FAM78B: variants seen among roughly 807,000 people sequenced by gnomAD.
The protein encoded by FAM78B is family with sequence similarity 78 member B, also known as protein FAM78B.
In FAM78B, 10 loss-of-function variants were observed where a neutral mutation model predicts 20.0. The observed-to-expected ratio is 0.50, with a 90% CI of 0.31 to 0.85. The LOEUF (loss-of-function observed/expected upper bound fraction) is 0.85. Among genes scored for constraint, FAM78B ranks in the 40% least tolerant of loss-of-function variants. The pLI, the probability that FAM78B is intolerant of heterozygous loss-of-function variation, is 0.05. For synonymous variants in FAM78B, 135 were observed against 132.8 expected (o/e 1.02, Z -0.12); for missense variants, 283 against 345.0 (o/e 0.82, Z 1.42).
chr1:166,067,102 A>C (rs1330637667), downstream of FAM78B, among the ~76,000 whole-genome samples: 1 of 152,090 alleles, frequency 6.6e-6, no homozygotes, highest in Non-Finnish European at 1.5e-5. Flanking sequence ...TTTTAGACTC[A>C]TTGGTTTGTG....
intron 1 of FAM78B, among the ~76,000 whole-genome samples, chr1:166,077,744 C>A (rs1167817651): frequency 2.3e-5 from 3 of 129,566 alleles, no homozygotes; most frequent in Non-Finnish European, 4.8e-5. Context: ...ATAATAAATA[C>A]ATATAATTAC....
At position 166,112,330 on chromosome 1, in the gene FAM78B, C is replaced by T. The variant is rs1039056663; in HGVS notation, c.264-41567G>A. Among the ~76,000 whole-genome samples the T allele has an allele frequency of 6.6e-5, 10 of 152,128 alleles. No individual in the cohort carries two copies. In the South Asian group the frequency reaches 8.3e-4, roughly 13 times the overall value. On this transcript the variant is annotated intron_variant, in intron 1 of 1. Coordinates refer to ENST00000354422, the MANE Select transcript of FAM78B (RefSeq NM_001017961.5). ...AAAGCAGAATTCTATGAAGCCCAGCCGTTTTCATTTCTTGTGATCTTCACC... is the reference window on the plus strand; with the variant it reads ...AAAGCAGAATTCTATGAAGCCCAGCTGTTTTCATTTCTTGTGATCTTCACC...
intron 1 of FAM78B, among the ~76,000 whole-genome samples, chr1:166,075,204 A>T (rs1652217993): frequency 6.6e-6 from 1 of 152,162 alleles, no homozygotes; most frequent in African/African-American, 2.4e-5. Context: ...TTAGAGGGTT[A>T]AAGGGAGGGA....
At chr1:166,102,534 CAAAA>C (rs1199687844) in intron 1 of FAM78B, among the ~76,000 whole-genome samples, 8 of 151,454 alleles carry the variant, frequency 5.3e-5, no homozygotes, top group Non-Finnish European at 8.8e-5. Context: ...AAATGGAAAA[CAAAA>C]AAAGGCAGGG....
In FAM78B at chr1:166,095,849, G is replaced by A. The variant is rs533936453; in HGVS notation, c.264-25086C>T. Among the ~76,000 whole-genome samples the A allele has an allele frequency of 2.6e-5, 4 of 152,310 alleles. No individual in the cohort carries two copies. In the East Asian group the frequency reaches 5.8e-4, roughly 22 times the overall value. Reference sequence around the variant, plus strand: ...CGAGTAGGGGGGCAACACTCCAGTGGCACAGAGGAGTAAGGTGCTGGCTCC... The same window carrying A: ...CGAGTAGGGGGGCAACACTCCAGTGACACAGAGGAGTAAGGTGCTGGCTCC... On this transcript the variant is annotated intron_variant, in intron 1 of 1. Coordinates refer to ENST00000354422, the MANE Select transcript of FAM78B (RefSeq NM_001017961.5).
chr1:166,147,338 G>A (rs1655499775), intron 1 of FAM78B, among the ~76,000 whole-genome samples: 2 of 152,218 alleles, frequency 1.3e-5, no homozygotes, highest in Non-Finnish European at 2.9e-5. Context: ...GCCTAAATGA[G>A]CATCAGTGGG....
At chr1:166,086,240 G>GT (rs1652823409) in intron 1 of FAM78B, among the ~76,000 whole-genome samples, 1 of 152,134 alleles carries the variant, frequency 6.6e-6, no homozygotes, top group African/African-American at 2.4e-5. Context: ...TTTGCAGCCA[G>GT]TACTGACCCA....
At chr1:166,065,613 G>A (rs563492029), downstream of FAM78B, among the ~76,000 whole-genome samples, 1 of 152,172 alleles carries the variant, frequency 6.6e-6, no homozygotes, top group Non-Finnish European at 1.5e-5. Flanking sequence ...TCATGGGCAG[G>A]TGCACCGCTG....
rs201199659 is a variant in FAM78B at position 166,070,724 on chromosome 1, T to C, written c.303A>G (p.Val101=). 25 of 1,596,398 alleles carry C rather than the reference T, an allele frequency of 1.6e-5. No individual in the cohort carries two copies. Among genetic ancestry groups the C allele is most frequent in the Non-Finnish European group, 1.5e-5 (18 of 1,170,356 alleles). ...CCCCATCTGAGTCACTGATGGCTTT[T>C]ACTCTCCCTTCCCTCAAGTCAGGCA... is the stretch of plus-strand genomic sequence containing the variant. The part of the protein sequence containing the change: ...WELPDLREGR[V]KAISDSDGVS... The change falls in exon 2 of 2, where the codon GTA becomes GTG. Residue 101 remains valine, a synonymous_variant. Transcript: ENST00000354422.
chr1:166,139,274 TC>T (rs1198146788), intron 1 of FAM78B, among the ~76,000 whole-genome samples: 1 of 152,192 alleles, frequency 6.6e-6, no homozygotes, highest in Non-Finnish European at 1.5e-5. Flanking sequence ...TTTCCCATCA[TC>T]TTGATGCTGT....
intron 1 of FAM78B, among the ~76,000 whole-genome samples, chr1:166,132,503 G>A (rs751233928): frequency 6.6e-6 from 1 of 152,152 alleles, no homozygotes; most frequent in Non-Finnish European, 1.5e-5. Flanking sequence ...AAAAACCCAG[G>A]TGTGTGCAAA....
intron 1 of FAM78B, among the ~76,000 whole-genome samples, chr1:166,108,221 A>G (rs554179428): frequency 1.3e-5 from 2 of 152,254 alleles, no homozygotes; most frequent in Admixed American, 6.5e-5. Context: ...TTTGCTGACA[A>G]TATGATTGTT....
intron 1 of FAM78B, among the ~76,000 whole-genome samples, chr1:166,078,157 G>A (rs892562965): frequency 6.0e-5 from 9 of 151,256 alleles, no homozygotes; most frequent in Non-Finnish European, 1.5e-5. Flanking sequence ...TCAGACTCCC[G>A]AGTAGCTGGG....
intron 1 of FAM78B, among the ~76,000 whole-genome samples, chr1:166,099,359 A>G (rs899962375): frequency 2.6e-5 from 4 of 152,186 alleles, no homozygotes; most frequent in Non-Finnish European, 5.9e-5. Flanking sequence ...AAACAAACAA[A>G]CAAAAAAACG....
intron 1 of FAM78B, among the ~76,000 whole-genome samples, chr1:166,086,490 A>C (rs1204969607): frequency 6.6e-6 from 1 of 152,192 alleles, no homozygotes; most frequent in Admixed American, 6.5e-5. Flanking sequence ...GGGAAGGGTC[A>C]AGGTCATGAA....
At chr1:166,056,677 TTTAGCA>T (rs1217238430), downstream of FAM78B, among the ~76,000 whole-genome samples, 3 of 152,158 alleles carry the variant, frequency 2.0e-5, no homozygotes, top group Non-Finnish European at 2.9e-5. Context: ...AGTAAAATAA[TTTAGCA>T]AAAGCAAAGC....
intron 1 of FAM78B, among the ~76,000 whole-genome samples, chr1:166,164,454 G>T (rs949532339): frequency 5.3e-5 from 8 of 152,262 alleles, no homozygotes; most frequent in Admixed American, 4.6e-4. Context: ...GGCATGATTC[G>T]CCCCAAATAA....
chr1:166,127,200 G>C (rs1388411312), intron 1 of FAM78B, among the ~76,000 whole-genome samples: 1 of 152,216 alleles, frequency 6.6e-6, no homozygotes, highest in Non-Finnish European at 1.5e-5. Flanking sequence ...GCTTTGAAAA[G>C]TGCTTGCAGT....
At chr1:166,140,394 T>C (rs1250108535) in intron 1 of FAM78B, among the ~76,000 whole-genome samples, 1 of 152,146 alleles carries the variant, frequency 6.6e-6, no homozygotes, top group Non-Finnish European at 1.5e-5. Flanking sequence ...CTCCAGATAT[T>C]GTTGGGGGCC....
Sources: allele counts gnomAD v4.1 joint callset (sites outside exome capture counted in the v4.1 genomes callset), GRCh38; gene constraint gnomAD v4.1.1; transcripts MANE v1.5; gene names NCBI Gene and HGNC (gene_info 2026-07-23, HGNC 2026-07-21).